Variants in QKI observed in about 807,000 individuals in gnomAD.
QKI encodes KH domain-containing RNA-binding protein QKI.
Under a neutral mutation model 39.0 loss-of-function variants are expected in QKI, and 10 were observed. The observed-to-expected ratio is 0.26, with a 90% confidence interval of 0.16 to 0.43. The LOEUF (loss-of-function observed/expected upper bound fraction) is 0.43, where lower values mean the gene tolerates loss of function less well. Among genes scored for constraint, QKI ranks in the 20% least tolerant of loss-of-function variants. The probability of loss-of-function intolerance (pLI) is 1.00; values close to 1 mark genes in which losing one functional copy is unlikely to be tolerated. For synonymous variants in QKI, 204 were observed against 155.4 expected (o/e 1.31, Z -2.33); for missense variants, 218 against 428.0 (o/e 0.51, Z 4.33).
At chr6:163,434,227 C>G (rs1426100638) in intron 1 of QKI, among the ~76,000 whole-genome samples, 1 of 152,064 alleles carries the variant, frequency 6.6e-6, no homozygotes, top group Non-Finnish European at 1.5e-5. Context: ...CATGCCCAGC[C>G]TGAGATGGAA....
intron 1 of QKI, among the ~76,000 whole-genome samples, chr6:163,438,397 A>G (rs1369498611): frequency 6.6e-6 from 1 of 152,218 alleles, no homozygotes; most frequent in African/African-American, 2.4e-5. Flanking sequence ...TGCATTGCTT[A>G]AAGACAGTGA....
intron 6 of QKI, chr6:163,565,566 AACTT>A (rs1020029546): frequency 6.1e-6 from 6 of 990,088 alleles, no homozygotes; most frequent in Non-Finnish European, 7.2e-6. Flanking sequence ...TACTTATAGA[AACTT>A]AATTATTAGA....
intron 3 of QKI, 32 bp from the exon 4 acceptor site, chr6:163,534,950 A>C: frequency 1.3e-6 from 2 of 1,529,042 alleles, no homozygotes; most frequent in Non-Finnish European, 1.8e-6. Context: ...TAAAGAGAAT[A>C]ATTTTAATCA....
At chr6:163,420,913 A>G (rs1330460586) in intron 1 of QKI, among the ~76,000 whole-genome samples, 5 of 152,170 alleles carry the variant, frequency 3.3e-5, no homozygotes, top group Non-Finnish European at 7.4e-5. Flanking sequence ...GCATTGGAAT[A>G]TTATTACCTG....
intron 4 of QKI, among the ~76,000 whole-genome samples, chr6:163,550,947 A>AC (rs1483176381): frequency 5.3e-5 from 3 of 56,694 alleles, no homozygotes; most frequent in Non-Finnish European, 9.7e-5. Flanking sequence ...ACTCTGTCTC[A>AC]CAAAAAAAAA....
chr6:163,443,062 C>A (rs1789875995), intron 1 of QKI, among the ~76,000 whole-genome samples: 1 of 152,120 alleles, frequency 6.6e-6, no homozygotes, highest in Admixed American at 6.5e-5. Flanking sequence ...GTGAAGTAAA[C>A]CAACTGTGGT....
At chr6:163,441,946 T>TAA (rs1375296730) in intron 1 of QKI, among the ~76,000 whole-genome samples, 1 of 152,216 alleles carries the variant, frequency 6.6e-6, no homozygotes, top group Non-Finnish European at 1.5e-5. Flanking sequence ...CCTGGGCTTT[T>TAA]ATACCAACTG....
intron 4 of QKI, among the ~76,000 whole-genome samples, chr6:163,556,706 C>T (rs1009981380): frequency 3.9e-5 from 6 of 152,014 alleles, no homozygotes; most frequent in African/African-American, 9.7e-5. Context: ...CTGTTTGTTA[C>T]GGACTGGATT....
chr6:163,547,016 G>A (rs1781922730), intron 4 of QKI, among the ~76,000 whole-genome samples: 1 of 151,866 alleles, frequency 6.6e-6, no homozygotes, highest in Non-Finnish European at 1.5e-5. Flanking sequence ...CCTTCAAACT[G>A]ACATGGCCTC....
At chr6:163,421,989 C>T (rs1481377415) in intron 1 of QKI, among the ~76,000 whole-genome samples, 2 of 151,728 alleles carry the variant, frequency 1.3e-5, no homozygotes, top group African/African-American at 2.4e-5. Context: ...ATGATCTGAC[C>T]GCCTCGGCTC....
At chr6:163,562,127 C>T (rs1783065275) in intron 5 of QKI, 58 bp downstream of exon 5, 1 of 1,319,322 alleles carries the variant, frequency 7.6e-7, no homozygotes, top group African/African-American at 1.5e-5. Context: ...TGTCTACAGA[C>T]TTTTTTCCTT....
At chr6:163,549,419 G>A (rs1025748932) in intron 4 of QKI, among the ~76,000 whole-genome samples, 1 of 152,102 alleles carries the variant, frequency 6.6e-6, no homozygotes, top group Non-Finnish European at 1.5e-5. Context: ...CTTACTTCCT[G>A]AAAACACTGC....
chr6:163,482,191 A>G (rs1269262043), intron 3 of QKI, among the ~76,000 whole-genome samples: 5 of 152,120 alleles, frequency 3.3e-5, no homozygotes, highest in African/African-American at 1.2e-4. Flanking sequence ...TCTCGGGGGA[A>G]AAAAGAAAAA....
chr6:163,528,549 G>A (rs1780656670), intron 3 of QKI, among the ~76,000 whole-genome samples: 1 of 152,122 alleles, frequency 6.6e-6, no homozygotes, highest in South Asian at 2.1e-4. Context: ...AGGATTGAAT[G>A]AGGTGATGTA....
chr6:163,454,736 A>G (rs6928869), intron 1 of QKI, among the ~76,000 whole-genome samples: 11,978 of 152,168 alleles, frequency 0.079, 534 homozygotes, highest in Middle Eastern at 0.12. Context: ...AGCTTTAACC[A>G]TTAAATTTGT....
At chr6:163,515,380 A>G (rs1400081727) in intron 3 of QKI, among the ~76,000 whole-genome samples, 1 of 152,076 alleles carries the variant, frequency 6.6e-6, no homozygotes, top group African/African-American at 2.4e-5. Context: ...CAGTTTCTTA[A>G]GAAACTCTTG....
At chr6:163,539,378 GA>G (rs1781381933) in intron 4 of QKI, among the ~76,000 whole-genome samples, 1 of 152,136 alleles carries the variant, frequency 6.6e-6, no homozygotes, top group African/African-American at 2.4e-5. Context: ...AATGGCACAA[GA>G]GGAAAAAGAA....
chr6:163,423,288 A>C (rs1020376723), intron 1 of QKI: 1 of 152,296 alleles, frequency 6.6e-6, no homozygotes, highest in Non-Finnish European at 1.5e-5. Context: ...ATTCCATCTC[A>C]AAAACAAATA....
intron 3 of QKI, among the ~76,000 whole-genome samples, chr6:163,490,558 G>T (rs772251215): frequency 2.0e-5 from 3 of 152,116 alleles, no homozygotes; most frequent in Admixed American, 6.6e-5. Context: ...ATCAACCAGG[G>T]TATGTTGCTA....
Sources: allele counts gnomAD v4.1 joint callset (sites outside exome capture counted in the v4.1 genomes callset), GRCh38; gene constraint gnomAD v4.1.1; transcripts MANE v1.5; gene names NCBI Gene and HGNC (gene_info 2026-07-23, HGNC 2026-07-21).